Variants in C8orf34 observed in about 807,000 individuals in gnomAD.
The protein encoded by C8orf34 is uncharacterized protein C8orf34.
In C8orf34, 65 loss-of-function variants were observed where a neutral mutation model predicts 68.3. That is an observed-to-expected ratio of 0.95 (90% CI 0.78 to 1.17). C8orf34 has a LOEUF of 1.17. Among genes scored for constraint, C8orf34 ranks in the 50% most tolerant of loss-of-function variants. C8orf34 has a pLI of 0.00. For synonymous variants in C8orf34, 244 were observed against 241.2 expected, an observed-to-expected ratio of 1.01 and a Z score of -0.11; for missense variants, 664 against 655.4, an observed-to-expected ratio of 1.01 and a Z score of -0.14.
At chr8:68,482,979 A>G (rs1267291880) in intron 4 of C8orf34, among the ~76,000 whole-genome samples, 1 of 92,628 alleles carries the variant, frequency 1.1e-5, no homozygotes, top group Admixed American at 1.2e-4. Context: ...TTATAATACA[A>G]TTGGCATTTT....
chr8:68,608,078 A>G (rs1250837081), intron 7 of C8orf34, among the ~76,000 whole-genome samples: 5 of 151,962 alleles, frequency 3.3e-5, no homozygotes, highest in Non-Finnish European at 7.4e-5. Flanking sequence ...TCATTCAACA[A>G]GCTTTTACTG....
chr8:68,773,934 G>C (rs1230351515), intron 10 of C8orf34, among the ~76,000 whole-genome samples: 3 of 152,166 alleles, frequency 2.0e-5, no homozygotes, highest in Non-Finnish European at 2.9e-5. Context: ...CTTAGCAGAA[G>C]ACTGCAAATG....
intron 7 of C8orf34, among the ~76,000 whole-genome samples, chr8:68,557,752 G>A (rs1407970253): frequency 6.6e-6 from 1 of 152,164 alleles, no homozygotes; most frequent in African/African-American, 2.4e-5. Context: ...TGAGAATATG[G>A]TGATTTTCAC....
intron 1 of C8orf34, among the ~76,000 whole-genome samples, chr8:68,350,941 A>G (rs1334019128): frequency 1.3e-5 from 2 of 151,912 alleles, no homozygotes; most frequent in Non-Finnish European, 2.9e-5. Context: ...TTTAAGTGGG[A>G]CATATAGTCC....
chr8:68,533,468 T>C (rs1354899000), intron 7 of C8orf34: 2 of 1,027,778 alleles, frequency 1.9e-6, no homozygotes, highest in Non-Finnish European at 2.3e-6. Context: ...TCTCTGATAA[T>C]AATTGCCTTG....
chr8:68,429,064 G>A (rs1281139066), intron 1 of C8orf34, among the ~76,000 whole-genome samples: 2 of 151,984 alleles, frequency 1.3e-5, no homozygotes, highest in Admixed American at 1.3e-4. Context: ...AAAGCACAAA[G>A]CATAAAATGA....
chr8:68,673,211 T>C (rs1820071543), intron 8 of C8orf34, among the ~76,000 whole-genome samples: 1 of 152,106 alleles, frequency 6.6e-6, no homozygotes, highest in South Asian at 2.1e-4. Flanking sequence ...GCTATGGTGC[T>C]ATGGGAGGGA....
rs543364330 is a variant in C8orf34 at position 68,593,594 on chromosome 8, A to T, written c.1106-46782A>T. Among the ~76,000 whole-genome samples, 16 of 152,078 alleles carry T rather than the reference A, an allele frequency of 1.1e-4. No individual in the cohort carries two copies. In the East Asian group the frequency reaches 2.9e-3, roughly 28 times the overall value. On this transcript the variant is annotated intron_variant, in intron 7 of 13. Coordinates refer to ENST00000518698, the MANE Select transcript of C8orf34 (RefSeq NM_052958.4). ...AAAAATGTTTTCACTGGTGGTGTAT[A>T]TTTGCTAATAAATCCTCTGGTATTT...
chr8:68,476,338 A>C (rs1392583601), intron 4 of C8orf34, among the ~76,000 whole-genome samples: 1 of 152,194 alleles, frequency 6.6e-6, no homozygotes, highest in Non-Finnish European at 1.5e-5. Context: ...AACTTGATAG[A>C]AAAGTTATCC....
chr8:68,357,704 C>T (rs1007260620), intron 1 of C8orf34, among the ~76,000 whole-genome samples: 27 of 152,120 alleles, frequency 1.8e-4, no homozygotes, highest in African/African-American at 4.1e-4. Context: ...AGAAGCCTCT[C>T]GAATGATTCT....
At chr8:68,347,626 G>GT (rs1806338219) in intron 1 of C8orf34, among the ~76,000 whole-genome samples, 3 of 151,998 alleles carry the variant, frequency 2.0e-5, no homozygotes, top group South Asian at 4.1e-4. Context: ...AGCATCTGTT[G>GT]TTTTTTGACA....
intron 9 of C8orf34, among the ~76,000 whole-genome samples, chr8:68,715,949 A>T (rs558257927): frequency 6.6e-6 from 1 of 152,302 alleles, no homozygotes; most frequent in African/African-American, 2.4e-5. Flanking sequence ...GATAAAGAAA[A>T]TATGATATAT....
chr8:68,664,150 C>T (rs2196256), intron 8 of C8orf34, among the ~76,000 whole-genome samples: 26,869 of 152,026 alleles, frequency 0.18, 2,916 homozygotes, highest in East Asian at 0.55. Context: ...CTTCCTTTTC[C>T]TTGGTCAGGT....
Position 68,745,140 on chromosome 8 carries a change from C to T in C8orf34, c.1404+23703C>T, listed in dbSNP as rs561619263. Among the ~76,000 whole-genome samples the T allele has an allele frequency of 5.9e-5, 9 of 152,140 alleles. No individual in the cohort carries two copies. The South Asian group carries it at 1.5e-3, about 25-fold the overall frequency. ...TTTCATATCCAGCCAAACTAAGCTT[C>T]ATAAGTGAAGGAGAAATAAAATCTT... On this transcript the variant is annotated intron_variant, in intron 10 of 13. Coordinates refer to ENST00000518698, the MANE Select transcript of C8orf34 (RefSeq NM_052958.4).
chr8:68,479,406 T>TGAGA (rs10573693), intron 4 of C8orf34, among the ~76,000 whole-genome samples: 2,397 of 147,396 alleles, frequency 0.016, 42 homozygotes, highest in African/African-American at 0.045. Context: ...AGAGAAACAG[T>TGAGA]GAGAGAGAGA....
intron 3 of C8orf34, among the ~76,000 whole-genome samples, chr8:68,463,925 T>C (rs536969701): frequency 2.6e-5 from 4 of 152,286 alleles, no homozygotes; most frequent in Admixed American, 2.6e-4. Flanking sequence ...CAACATAGTG[T>C]TGGAAGTTCT....
intron 12 of C8orf34, among the ~76,000 whole-genome samples, chr8:68,811,440 C>T (rs1217102171): frequency 6.6e-6 from 1 of 152,176 alleles, no homozygotes; most frequent in East Asian, 1.9e-4. Flanking sequence ...GGGCGGGGCT[C>T]CCACCCTGCC....
chr8:68,444,923 A>G (rs1025656223), intron 2 of C8orf34, among the ~76,000 whole-genome samples: 11 of 152,196 alleles, frequency 7.2e-5, no homozygotes, highest in African/African-American at 2.4e-4. Context: ...AGAAGAATTT[A>G]TAGTCCAAGA....
chr8:68,814,805 G>C (rs1041739701), intron 12 of C8orf34, among the ~76,000 whole-genome samples: 5 of 152,100 alleles, frequency 3.3e-5, no homozygotes, highest in Non-Finnish European at 7.4e-5. Flanking sequence ...CATTTCATTC[G>C]AGTTGAAGTA....
Sources: gnomAD v4.1 joint callset for allele counts (sites outside exome capture counted in the v4.1 genomes callset) on GRCh38, gnomAD v4.1.1 for gene constraint, MANE v1.5 for transcripts, NCBI Gene and HGNC (gene_info 2026-07-23, HGNC 2026-07-21) for gene names.